The following MCU variants were observed in gnomAD, a reference collection of about 807,000 sequenced individuals.
MCU encodes mitochondrial calcium uniporter.
MCU carries 12 observed loss-of-function variants against 45.2 expected under a neutral mutation model. The ratio of observed to expected loss-of-function variants is 0.27; its 90% CI spans 0.17 to 0.43. The LOEUF (loss-of-function observed/expected upper bound fraction) is 0.43. Among genes scored for constraint, MCU ranks in the 20% least tolerant of loss-of-function variants. The probability of loss-of-function intolerance (pLI) is 1.00; values close to 1 mark genes in which losing one functional copy is unlikely to be tolerated. For missense variants in MCU, 324 were observed against 436.7 expected (o/e 0.74, Z 2.30); for synonymous variants, 160 against 165.1 (o/e 0.97, Z 0.24).
chr10:72,753,293 G>T (rs1843528070), intron 1 of MCU, among the ~76,000 whole-genome samples: 1 of 152,076 alleles, frequency 6.6e-6, no homozygotes, highest in East Asian at 1.9e-4. Context: ...AATACCAGCA[G>T]CAAAAATATT....
chr10:72,759,164 C>G (rs190787043), intron 1 of MCU, among the ~76,000 whole-genome samples: 1 of 152,126 alleles, frequency 6.6e-6, no homozygotes, highest in African/African-American at 2.4e-5. Context: ...CCAGGGTTAT[C>G]GGCAAGACTC....
At chr10:72,763,581 G>A (rs1843685175) in intron 1 of MCU, among the ~76,000 whole-genome samples, 3 of 152,122 alleles carry the variant, frequency 2.0e-5, no homozygotes, top group Admixed American at 2.0e-4. Flanking sequence ...GAGTAGGGAT[G>A]GAGAGAAAGG....
chr10:72,728,624 C>A (rs1347740622), intron 1 of MCU, among the ~76,000 whole-genome samples: 2 of 152,050 alleles, frequency 1.3e-5, no homozygotes, highest in Non-Finnish European at 2.9e-5. Flanking sequence ...CTTATACTTA[C>A]AACAGGAAAG....
At chr10:72,856,446 CT>C (rs1439032569) in intron 2 of MCU, among the ~76,000 whole-genome samples, 1 of 151,906 alleles carries the variant, frequency 6.6e-6, no homozygotes, top group Admixed American at 6.6e-5. Flanking sequence ...TAATGTAGGC[CT>C]TATGAATTAC....
chr10:72,863,275 G>T (rs1845406962), intron 4 of MCU, among the ~76,000 whole-genome samples: 1 of 152,062 alleles, frequency 6.6e-6, no homozygotes, highest in African/African-American at 2.4e-5. Flanking sequence ...TCTGAATTTT[G>T]CTTCGTCCTT....
chr10:72,730,307 CTTTTTTTTTTT>C (rs1221272053), intron 1 of MCU, among the ~76,000 whole-genome samples: 1 of 124,230 alleles, frequency 8.0e-6, no homozygotes, highest in South Asian at 2.6e-4. Flanking sequence ...CTTTCTTTTT[CTTTTTTTTTTT>C]TTTTTTTTGA....
At chr10:72,860,169 A>G in intron 3 of MCU, 2 of 417,762 alleles carry the variant, frequency 4.8e-6, no homozygotes, top group Admixed American at 3.5e-5. Flanking sequence ...ATGTACACCT[A>G]TAGAACTATG....
Position 72,851,540 on chromosome 10 carries a change from AT to A in MCU, c.221-7635del, listed in dbSNP as rs558117372. Among the ~76,000 whole-genome samples the A allele has an allele frequency of 3.4e-3, 511 of 152,024 alleles. 3 individuals carry two copies. The highest frequency in any genetic ancestry group is 0.011 in the African/African-American group (462 of 41,460). On this transcript the variant is annotated intron_variant, in intron 2 of 7. Coordinates refer to ENST00000373053, the MANE Select transcript of MCU (RefSeq NM_138357.3). ...GGGGCTAAGGGAATGAGTGCTGCTG[AT>A]TGGTTGTGGATGCAGTCATAGGGGT...
At chr10:72,842,525 A>G (rs138468025) in intron 2 of MCU, among the ~76,000 whole-genome samples, 138 of 152,334 alleles carry the variant, frequency 9.1e-4, no homozygotes, top group African/African-American at 3.1e-3. Context: ...AACCTTTTGG[A>G]TATCAAAGAT....
At chr10:72,843,875 A>C (rs1003320331) in intron 2 of MCU, among the ~76,000 whole-genome samples, 1 of 152,218 alleles carries the variant, frequency 6.6e-6, no homozygotes, top group African/African-American at 2.4e-5. Flanking sequence ...TGACATTTAA[A>C]GAAAATTTTA....
chr10:72,706,535 A>G (rs1842822015), intron 1 of MCU, among the ~76,000 whole-genome samples: 1 of 151,068 alleles, frequency 6.6e-6, no homozygotes, highest in Non-Finnish European at 1.5e-5. Flanking sequence ...ACATTACAGT[A>G]TCTTCTCTTT....
intron 1 of MCU, among the ~76,000 whole-genome samples, chr10:72,721,280 C>T (rs1843017922): frequency 6.6e-6 from 1 of 152,168 alleles, no homozygotes; most frequent in Non-Finnish European, 1.5e-5. Context: ...AAGGGGCCTA[C>T]AGGTAGTGAC....
At chr10:72,871,638 A>C (rs1845544734) in intron 6 of MCU, 58 bp downstream of exon 6, 1 of 1,468,578 alleles carries the variant, frequency 6.8e-7, no homozygotes, top group East Asian at 2.3e-5. Flanking sequence ...TGATTGTCAA[A>C]AGAGTTCTTT....
chr10:72,874,584 T>G (rs1845592335), intron 6 of MCU, among the ~76,000 whole-genome samples: 2 of 152,216 alleles, frequency 1.3e-5, no homozygotes, highest in African/African-American at 4.8e-5. Context: ...TTTCTTGGCC[T>G]CCCAAATGTG....
intron 1 of MCU, among the ~76,000 whole-genome samples, chr10:72,718,568 A>G (rs989961564): frequency 6.6e-6 from 1 of 152,200 alleles, no homozygotes; most frequent in African/African-American, 2.4e-5. Context: ...TTATTCCTTA[A>G]AAGTTCATTA....
intron 1 of MCU, among the ~76,000 whole-genome samples, chr10:72,802,500 G>A (rs993617222): frequency 6.6e-6 from 1 of 151,108 alleles, no homozygotes; most frequent in African/African-American, 2.4e-5. Flanking sequence ...CAATAAAACT[G>A]ACAAGAACAA....
chr10:72,796,474 A>T (rs1844248031), intron 1 of MCU, among the ~76,000 whole-genome samples: 1 of 152,218 alleles, frequency 6.6e-6, no homozygotes, highest in Non-Finnish European at 1.5e-5. Flanking sequence ...ACAATTAAGG[A>T]GATATCCTAT....
intron 2 of MCU, among the ~76,000 whole-genome samples, chr10:72,853,260 T>C (rs1364050158): frequency 6.6e-6 from 1 of 151,976 alleles, no homozygotes; most frequent in Non-Finnish European, 1.5e-5. Context: ...ATCCTTATGC[T>C]CATAGAGAAA....
At chr10:72,807,785 C>T (rs947357296) in intron 1 of MCU, among the ~76,000 whole-genome samples, 2 of 152,098 alleles carry the variant, frequency 1.3e-5, no homozygotes, top group Non-Finnish European at 1.5e-5. Context: ...CCTTTTCTCA[C>T]CCAAGAACAT....
Sources: gnomAD v4.1 joint callset for allele counts (sites outside exome capture counted in the v4.1 genomes callset) on GRCh38, gnomAD v4.1.1 for gene constraint, MANE v1.5 for transcripts, NCBI Gene and HGNC (gene_info 2026-07-23, HGNC 2026-07-21) for gene names.